Variants in WIZ observed in about 807,000 individuals in gnomAD.
The protein encoded by WIZ is protein Wiz.
Under a neutral mutation model 140.2 loss-of-function variants are expected in WIZ, and 25 were observed. That is an observed-to-expected ratio of 0.18 (90% CI 0.13 to 0.25). WIZ has a LOEUF of 0.25. Ranked by LOEUF, WIZ falls within the 10% of genes least tolerant of loss-of-function variation. WIZ has a pLI of 1.00. For synonymous variants in WIZ, 1,125 were observed against 1,154.3 expected, an observed-to-expected ratio of 0.97 and a Z score of 0.51; for missense variants, 2,231 against 2,632.6, an observed-to-expected ratio of 0.85 and a Z score of 3.34.
In WIZ at chr19:15,431,106, G is replaced by A; in HGVS notation, c.2817C>T (p.Val939=). 6.5e-7 allele frequency: 1 copy of A among 1,535,944 alleles called. No homozygotes were observed. Residue 939 remains valine (V), a synonymous_variant, in exon 6 of 13, where the codon GTC becomes GTT. Transcript: ENST00000673675. ...TGGCCACCTGCTCCAGGGCCCCAGGGACAGGCAGGCTCTTCTTAGGGAGCG... is the reference window on the plus strand; with the variant it reads ...TGGCCACCTGCTCCAGGGCCCCAGGAACAGGCAGGCTCTTCTTAGGGAGCG... ...SPSLPKKSLP[V]PGALEQVASR...
chr19:15,448,448 C>T lies in WIZ; in HGVS notation c.-60-81G>A, dbSNP rs1223809884. ...GTTTCCCATCCCTCAAAACCTCAGT[C>T]CTCAACTTTGCAGCTCACTGCCTCA... is the stretch of plus-strand genomic sequence containing the variant. On this transcript the variant is annotated intron_variant, in intron 1 of 12. Transcript: ENST00000673675. 5.4e-6 allele frequency: 6 copies of T among 1,112,512 alleles called. No individual in the cohort carries two copies. The Admixed American group carries it at 1.5e-4, about 29-fold the overall frequency. 68.9% of individuals were successfully genotyped at this position (1,112,512 alleles called of 1,614,324 possible).
rs1968355375 is a variant in WIZ, at chr19:15,421,182, T to C, written c.*1894A>G. The C allele has an allele frequency of 6.6e-6, 1 of 152,180 alleles. No individual in the cohort carries two copies. Among genetic ancestry groups the C allele is most frequent in the African/African-American group, 2.4e-5 (1 of 41,432 alleles). The allele number at this position is 152,180 out of a possible 1,614,324, so 9.4% of individuals were successfully genotyped here. On this transcript the variant is annotated 3_prime_UTR_variant, in exon 13 of 13. Coordinates refer to ENST00000673675, the MANE Select transcript of WIZ (RefSeq NM_001371589.1). ...TGAAAGAGGAAGAAACACCTTTGAG[T>C]CAGCTCACAAGATGCTCTCCCTGCT... is the stretch of plus-strand genomic sequence containing the variant.
intron 5 of WIZ, among the ~76,000 whole-genome samples, chr19:15,431,518 C>G (rs1969236431): frequency 6.6e-6 from 1 of 152,174 alleles, no homozygotes; most frequent in Non-Finnish European, 1.5e-5. Context: ...GTCTGCCTGT[C>G]TCGAGGGTGA....
At chr19:15,446,885 G>GT (rs1599717787) in intron 2 of WIZ, among the ~76,000 whole-genome samples, 1 of 152,256 alleles carries the variant, frequency 6.6e-6, no homozygotes. Flanking sequence ...AAGATGCTGT[G>GT]TATTTATAAA....
At chr19:15,436,722 G>T (rs985857035) in intron 5 of WIZ, 84 bp downstream of exon 5, 16 of 1,357,424 alleles carry the variant, frequency 1.2e-5, no homozygotes, top group Non-Finnish European at 1.4e-5. Flanking sequence ...AAAGCTGAGC[G>T]GCTGCCCCTC....
chr19:15,434,258 T>TAAA lies in WIZ; in HGVS notation c.2740+2545_2740+2547dup, dbSNP rs969364743. 4.4e-3 allele frequency among the ~76,000 whole-genome samples: 301 copies of TAAA among 67,760 alleles called. 4 individuals are homozygous for TAAA. The highest frequency in any genetic ancestry group is 0.015 in the African/African-American group (278 of 18,696). 44.5% of individuals were successfully genotyped at this position (67,760 alleles called of 152,430 possible). On this transcript the variant is annotated intron_variant, in intron 5 of 12. Coordinates refer to ENST00000673675, the MANE Select transcript of WIZ (RefSeq NM_001371589.1). ...GGGCGACAGAGCAGGACTCCATCTT[T>TAAA]AAAAAAAAAAAAAAAAAAAAGGGCC...
At position 15,425,430 on chromosome 19, in the gene WIZ, G is replaced by C; in HGVS notation, c.4705C>G (p.Pro1569Ala). ...GKPGAGPAQVPRELSLTPITG... is the reference protein window; with the variant it reads ...GKPGAGPAQVARELSLTPITG... ...ATGGGCGTCAGGCTGAGCTCACGAG[G>C]AACCTGGGCCGGCCCTGCACCTGGT... Residue 1569 changes from proline (P) to alanine (A), a missense_variant, in exon 10 of 13, where the codon CCT becomes GCT. Physicochemically the swap from Pro to Ala is conservative, Grantham distance 27. Around this residue, in one of 15 missense-constraint regions of WIZ, gnomAD observed 393 missense variants for 451.7 expected, o/e 0.87. Coordinates refer to ENST00000673675, the MANE Select transcript of WIZ (RefSeq NM_001371589.1). The C allele has an allele frequency of 1.3e-6, 2 of 1,565,694 alleles. No individual in the cohort carries two copies. The highest frequency in any genetic ancestry group is 1.7e-6 in the Non-Finnish European group (2 of 1,155,128).
At position 15,425,407 on chromosome 19, in the gene WIZ, G is replaced by A. The variant is rs1968684286; in HGVS notation, c.4728C>T (p.Pro1576=). The A allele has an allele frequency of 2.6e-6, 4 of 1,557,932 alleles. No homozygotes were observed. The highest frequency in any genetic ancestry group is 1.4e-5 in the African/African-American group (1 of 73,368). The change falls in exon 10 of 13, where the codon CCC becomes CCT. Residue 1576 remains proline, a synonymous_variant. Transcript: ENST00000673675. The stretch of plus-strand genomic sequence containing the variant: ...TGGCTGAGGGCTTGGCCCCAGTGAT[G>A]GGCGTCAGGCTGAGCTCACGAGGAA... ...AQVPRELSLT[P]ITGAKPSATG... is the part of the protein sequence containing the mutation.
At chr19:15,445,272 A>T (rs1423151602) in intron 2 of WIZ, among the ~76,000 whole-genome samples, 1 of 152,216 alleles carries the variant, frequency 6.6e-6, no homozygotes, top group African/African-American at 2.4e-5. Flanking sequence ...CCAAGAACCT[A>T]GATTCTGGAG....
chr19:15,429,474 A>C, intron 7 of WIZ, 112 bp downstream of exon 7: 1 of 1,118,042 alleles, frequency 8.9e-7, no homozygotes. Flanking sequence ...TGGGAGCTGT[A>C]GTCCCCACCG....
chr19:15,446,297 C>G (rs1465555830), intron 2 of WIZ, among the ~76,000 whole-genome samples: 3 of 152,138 alleles, frequency 2.0e-5, no homozygotes, highest in Non-Finnish European at 4.4e-5. Flanking sequence ...GAAGAGATGT[C>G]CAATCCCTCG....
At chr19:15,437,211 C>T in intron 4 of WIZ, 82 bp from the exon 5 acceptor site, 1 of 1,319,572 alleles carries the variant, frequency 7.6e-7, no homozygotes. Context: ...CAGGGCTTCA[C>T]CCTGGACTGC....
chr19:15,425,464 C>T lies in WIZ; in HGVS notation c.4671G>A (p.Arg1557=), dbSNP rs1325086457. ...SPLPLSPLAG[R]PGKPGAGPAQ... ...CCGGCCCTGCACCTGGTTTGCCTGG[C>T]CGGCCAGCCAGGGGCGACAGCGGCA... The change falls in exon 10 of 13, where the codon CGG becomes CGA. Residue 1557 remains arginine, a synonymous_variant. Coordinates refer to ENST00000673675, the MANE Select transcript of WIZ (RefSeq NM_001371589.1). 1.3e-6 allele frequency: 2 copies of T among 1,592,022 alleles called. No individual in the cohort carries two copies. The highest frequency in any genetic ancestry group is 1.7e-6 in the Non-Finnish European group (2 of 1,169,092).
chr19:15,430,876 A>G, intron 6 of WIZ, 136 bp downstream of exon 6: 2 of 1,142,232 alleles, frequency 1.8e-6, no homozygotes, highest in Non-Finnish European at 2.4e-6. Context: ...CTGAGTGCCA[A>G]CCTTGGTGCC....
At chr19:15,430,894 G>A (rs944352938) in intron 6 of WIZ, 118 bp downstream of exon 6, 2 of 1,296,774 alleles carry the variant, frequency 1.5e-6, no homozygotes, top group Non-Finnish European at 1.0e-6. Context: ...GCCTCAAGGT[G>A]CCAGAGGGAA....
At chr19:15,431,657 C>G (rs1325574053) in intron 5 of WIZ, among the ~76,000 whole-genome samples, 1 of 152,180 alleles carries the variant, frequency 6.6e-6, no homozygotes, top group East Asian at 1.9e-4. Context: ...TGAGGAATCT[C>G]CACCAGACAA....
rs559618745 is a variant in WIZ at position 15,427,920 on chromosome 19, G to C, written c.3814+190C>G. On this transcript the variant is annotated intron_variant, in intron 8 of 12. Transcript: ENST00000673675. The surrounding 1 kb of genome is among the most constrained non-coding windows in gnomAD (Gnocchi z 6.4). ...CACCTTGGCCTTCATTCTCAGGAAGGGTCATGGAGGTCAAAGGCCAAGAGA... is the reference window on the plus strand; with the variant it reads ...CACCTTGGCCTTCATTCTCAGGAAGCGTCATGGAGGTCAAAGGCCAAGAGA... Among the ~76,000 whole-genome samples, 27 of 152,294 alleles carry C rather than the reference G, an allele frequency of 1.8e-4. No individual in the cohort carries two copies. The highest frequency in any genetic ancestry group is 1.6e-3 in the Admixed American group (24 of 15,298).
At chr19:15,432,768 T>G (rs930108671) in intron 5 of WIZ, among the ~76,000 whole-genome samples, 78 of 151,014 alleles carry the variant, frequency 5.2e-4, no homozygotes, top group Middle Eastern at 7.0e-3. Context: ...GAGTGCCGAG[T>G]GCCGCTGCCG....
chr19:15,427,125 G>T lies in WIZ; in HGVS notation c.4223C>A (p.Pro1408His). The T allele has an allele frequency of 6.2e-7, 1 of 1,614,210 alleles. No individual in the cohort carries two copies. The highest frequency in any genetic ancestry group is 1.1e-5 in the South Asian group (1 of 91,086). ...AGGCTTCAGCTTCTTGGGCAAGGAGGGTGCAGCCAGGCCTGGGAACATCTT... is the reference window on the plus strand; with the variant it reads ...AGGCTTCAGCTTCTTGGGCAAGGAGTGTGCAGCCAGGCCTGGGAACATCTT... ...ARKMFPGLAA[P>H]SLPKKLKPEQ... Residue 1408 changes from proline to histidine, a missense_variant, in exon 9 of 13, where the codon CCC (proline) becomes CAC (histidine). By Grantham distance (77) the Pro-to-His change is moderately conservative. Coordinates refer to ENST00000673675, the MANE Select transcript of WIZ (RefSeq NM_001371589.1). This position sits in a 1 kb window ranked among gnomAD's most constrained non-coding sequence, Gnocchi z 6.4.
Sources: gnomAD v4.1 joint callset for allele counts (sites outside exome capture counted in the v4.1 genomes callset) on GRCh38, gnomAD v4.1.1 for gene constraint, gnomAD v4.1.1 regional missense constraint, Gnocchi (gnomAD v3.1) non-coding constraint, MANE v1.5 for transcripts, NCBI Gene and HGNC (gene_info 2026-07-23, HGNC 2026-07-21) for gene names.